Variants in RHOBTB3 observed in about 807,000 individuals in gnomAD.
RHOBTB3 encodes the protein rho-related BTB domain-containing protein 3.
In RHOBTB3, 47 loss-of-function variants were observed where a neutral mutation model predicts 67.2. The observed-to-expected ratio is 0.70, with a 90% CI of 0.55 to 0.89. The LOEUF (loss-of-function observed/expected upper bound fraction) is 0.89. RHOBTB3 is among the 40% of genes least tolerant of loss of function. The probability of loss-of-function intolerance (pLI) is 0.00; values close to 1 mark genes in which losing one functional copy is unlikely to be tolerated. For synonymous variants in RHOBTB3, 273 were observed against 274.2 expected (o/e 1.00, Z 0.04); for missense variants, 631 against 750.0 (o/e 0.84, Z 1.85).
At chr5:95,769,949 G>T in intron 8 of RHOBTB3, 1 of 423,798 alleles carries the variant, frequency 2.4e-6, no homozygotes, top group South Asian at 1.8e-5. Flanking sequence ...CTCCAGGTTT[G>T]TTGACAATAG....
intron 9 of RHOBTB3, chr5:95,781,523 T>C (rs1156835792): frequency 1.3e-5 from 2 of 152,252 alleles, no homozygotes; most frequent in Non-Finnish European, 2.9e-5. Context: ...TGTAGAGTAT[T>C]TTGGAGCCAG....
intron 3 of RHOBTB3, among the ~76,000 whole-genome samples, chr5:95,744,185 A>T (rs1255719016): frequency 1.3e-5 from 2 of 152,030 alleles, no homozygotes; most frequent in South Asian, 4.2e-4. Flanking sequence ...CTGGAAATGA[A>T]TGTTTTCCTT....
At chr5:95,744,325 C>T (rs111407636) in intron 3 of RHOBTB3, among the ~76,000 whole-genome samples, 478 of 152,278 alleles carry the variant, frequency 3.1e-3, no homozygotes, top group Middle Eastern at 0.014. Context: ...TGAAGCCTTC[C>T]GTAATCCCCC....
intron 8 of RHOBTB3, 149 bp downstream of exon 8, chr5:95,768,315 A>G (rs2112814673): frequency 1.7e-6 from 1 of 574,412 alleles, no homozygotes; most frequent in East Asian, 2.9e-5. Flanking sequence ...TGTCAACAAA[A>G]TCTTCCAGGT....
At chr5:95,756,892 T>G (rs1745261859) in intron 6 of RHOBTB3, among the ~76,000 whole-genome samples, 1 of 152,258 alleles carries the variant, frequency 6.6e-6, no homozygotes, top group Non-Finnish European at 1.5e-5. Context: ...TGTGAGAATT[T>G]ATTGTCCAAT....
intron 9 of RHOBTB3, chr5:95,781,449 T>C (rs1746042683): frequency 6.6e-6 from 1 of 152,272 alleles, no homozygotes; most frequent in Non-Finnish European, 1.5e-5. Context: ...TGAAAGATTT[T>C]AGAAGTTCAA....
At chr5:95,732,265 A>C in intron 2 of RHOBTB3, 181 bp downstream of exon 2, 1 of 646,346 alleles carries the variant, frequency 1.5e-6, no homozygotes, top group Non-Finnish European at 2.8e-6. Flanking sequence ...CAGCCCTGTC[A>C]GAGAACACTC....
At chr5:95,789,017 T>C in intron 11 of RHOBTB3, 159 bp downstream of exon 11, 1 of 538,994 alleles carries the variant, frequency 1.9e-6, no homozygotes, top group Non-Finnish European at 3.2e-6. Flanking sequence ...AAACAATTTA[T>C]AGTCACCTGT....
chr5:95,788,182 C>T (rs1441555361), intron 10 of RHOBTB3, among the ~76,000 whole-genome samples: 1 of 152,214 alleles, frequency 6.6e-6, no homozygotes, highest in East Asian at 1.9e-4. Flanking sequence ...TTGGAGTTTT[C>T]CCTCCATTAG....
intron 1 of RHOBTB3, among the ~76,000 whole-genome samples, chr5:95,719,295 C>G (rs1016014906): frequency 2.0e-5 from 3 of 152,116 alleles, no homozygotes; most frequent in Admixed American, 2.0e-4. Context: ...AGAAGTGCTT[C>G]AGGAGGATGA....
At chr5:95,725,232 C>A (rs1267019033) in intron 1 of RHOBTB3, among the ~76,000 whole-genome samples, 1 of 151,798 alleles carries the variant, frequency 6.6e-6, no homozygotes, top group Admixed American at 6.6e-5. Flanking sequence ...AGGAGAAAAA[C>A]AAACCACAGC....
At position 95,748,506 on chromosome 5, in the gene RHOBTB3, T is replaced by A. The variant is rs772408787; in HGVS notation, c.570+19T>A. The A allele has an allele frequency of 4.4e-6, 7 of 1,597,192 alleles. No homozygotes were observed. The Admixed American group carries it at 1.0e-4, about 23-fold the overall frequency. ...AGGAGTGGTAAGTGGAAATTCCTGTTAAGTATAAAGTTATTTGTCAGGTTG... is the reference window on the plus strand; with the variant it reads ...AGGAGTGGTAAGTGGAAATTCCTGTAAAGTATAAAGTTATTTGTCAGGTTG... On this transcript the variant is annotated intron_variant, in intron 4 of 11. Coordinates refer to ENST00000379982, the MANE Select transcript of RHOBTB3 (RefSeq NM_014899.4).
At chr5:95,783,374 G>A (rs1006120745) in intron 9 of RHOBTB3, among the ~76,000 whole-genome samples, 1 of 151,006 alleles carries the variant, frequency 6.6e-6, no homozygotes, top group Non-Finnish European at 1.5e-5. Flanking sequence ...CGCCCACCTC[G>A]GCCTCCCCAA....
chr5:95,792,989 C>A, intron 11 of RHOBTB3, 70 bp from the exon 12 acceptor site: 1 of 1,048,548 alleles, frequency 9.5e-7, no homozygotes, highest in South Asian at 1.4e-5. Context: ...AAGAGGAAAT[C>A]AATAGCTGAT....
In RHOBTB3 at chr5:95,737,208, A is replaced by G. The variant is rs966476082; in HGVS notation, c.415+133A>G. ...TGACTTTGGTTCAATGCCAGCTGCT[A>G]TCGCTTCATCATTTGATACGATAAA... On this transcript the variant is annotated intron_variant, in intron 3 of 11. Coordinates refer to ENST00000379982, the MANE Select transcript of RHOBTB3 (RefSeq NM_014899.4). 46 of 577,420 alleles carry G rather than the reference A, an allele frequency of 8.0e-5. No individual in the cohort carries two copies. The African/African-American group carries it at 8.4e-4, about 11-fold the overall frequency. The allele number at this position is 577,420 out of a possible 1,614,324, so 35.8% of individuals were successfully genotyped here. A position where few individuals can be genotyped will look rare whatever the true frequency, so the allele number is the denominator to read the frequency against.
At chr5:95,770,562 C>T in intron 8 of RHOBTB3, 1 of 404,102 alleles carries the variant, frequency 2.5e-6, no homozygotes, top group East Asian at 6.4e-5. Context: ...GAATCATTGG[C>T]CCAACGAAGG....
At chr5:95,770,972 A>G (rs1745693334) in intron 8 of RHOBTB3, among the ~76,000 whole-genome samples, 1 of 152,062 alleles carries the variant, frequency 6.6e-6, no homozygotes, top group Non-Finnish European at 1.5e-5. Flanking sequence ...ATACTGGGTG[A>G]AAGAGCCACG....
chr5:95,729,940 T>C (rs924530388), upstream of RHOBTB3, among the ~76,000 whole-genome samples: 6 of 152,204 alleles, frequency 3.9e-5, no homozygotes, highest in African/African-American at 9.7e-5. Context: ...TTTTGACTTA[T>C]GGGTTTCCGG....
rs1283402161 is a variant in RHOBTB3, at chr5:95,737,968, T to C, written c.415+893T>C. 3.3e-5 allele frequency among the ~76,000 whole-genome samples: 5 copies of C among 152,322 alleles called. No individual in the cohort carries two copies. The East Asian group carries it at 9.6e-4, about 29-fold the overall frequency. ...ATTTCTGAACTTCATACAAATGAAATTATATGGTATGTAGTAGTGCCTTAG... is the reference window on the plus strand; with the variant it reads ...ATTTCTGAACTTCATACAAATGAAACTATATGGTATGTAGTAGTGCCTTAG... On this transcript the variant is annotated intron_variant, in intron 3 of 11. Coordinates refer to ENST00000379982, the MANE Select transcript of RHOBTB3 (RefSeq NM_014899.4).
Sources: gnomAD v4.1 joint callset for allele counts (sites outside exome capture counted in the v4.1 genomes callset) on GRCh38, gnomAD v4.1.1 for gene constraint, MANE v1.5 for transcripts, NCBI Gene and HGNC (gene_info 2026-07-23, HGNC 2026-07-21) for gene names.